ARHGAP22: variants seen among roughly 807,000 people sequenced by gnomAD.
ARHGAP22 encodes Rho GTPase activating protein 22.
ARHGAP22 carries 48 observed loss-of-function variants against 59.1 expected under a neutral mutation model. The ratio of observed to expected loss-of-function variants is 0.81; its 90% CI spans 0.64 to 1.03. The LOEUF (loss-of-function observed/expected upper bound fraction) is 1.03. Ranked by LOEUF, ARHGAP22 falls within the 50% of genes least tolerant of loss-of-function variation. The pLI is 0.00. For synonymous variants in ARHGAP22, 445 were observed against 416.4 expected, an observed-to-expected ratio of 1.07 and a Z score of -0.84; for missense variants, 1,015 against 958.7, an observed-to-expected ratio of 1.06 and a Z score of -0.78.
rs759007664 is a variant in ARHGAP22, at chr10:48,493,437, AC to A, written c.323-13674del. On this transcript the variant is annotated intron_variant, in intron 3 of 9. Transcript: ENST00000249601. ...TGCCAGTGACTCCAGCTATCCACTT[AC>A]CCCTGGGCATACGCCTGCTCCTCTT... 5.9e-6 allele frequency: 9 copies of A among 1,535,190 alleles called. No homozygotes were observed. In the South Asian group the frequency reaches 9.5e-5, roughly 16 times the overall value.
intron 2 of ARHGAP22, among the ~76,000 whole-genome samples, chr10:48,572,777 G>A (rs933406326): frequency 5.3e-5 from 8 of 152,066 alleles, no homozygotes; most frequent in Non-Finnish European, 1.0e-4. Context: ...AATGCTTTAC[G>A]AAAAATAAGA....
At chr10:48,596,114 G>A (rs1353248394) in intron 1 of ARHGAP22, among the ~76,000 whole-genome samples, 1 of 152,188 alleles carries the variant, frequency 6.6e-6, no homozygotes, top group African/African-American at 2.4e-5. Context: ...AATGCTTCCT[G>A]GGTCTGCCTC....
At chr10:48,533,184 T>G (rs1838574) in intron 3 of ARHGAP22, among the ~76,000 whole-genome samples, 40,543 of 143,160 alleles carry the variant, frequency 0.28, 5,695 homozygotes, top group African/African-American at 0.39. Context: ...TTCTGTTGTT[T>G]TTTTTTTTTT....
intron 2 of ARHGAP22, among the ~76,000 whole-genome samples, chr10:48,574,385 A>G (rs2058582597): frequency 6.6e-6 from 1 of 152,232 alleles, no homozygotes; most frequent in African/African-American, 2.4e-5. Context: ...AGAATGGAGA[A>G]CAGAAATTAA....
intron 1 of ARHGAP22, among the ~76,000 whole-genome samples, chr10:48,612,024 T>C (rs1223343124): frequency 6.6e-6 from 1 of 151,712 alleles, no homozygotes; most frequent in Non-Finnish European, 1.5e-5. Flanking sequence ...GGTTTCACTA[T>C]GTTGGCCAGG....
intron 3 of ARHGAP22, among the ~76,000 whole-genome samples, chr10:48,500,848 G>A (rs564800863): frequency 1.4e-5 from 2 of 147,792 alleles, no homozygotes; most frequent in East Asian, 2.0e-4. Context: ...CCAAGACGAC[G>A]CCACTGCACT....
chr10:48,642,311 G>A (rs1204639471), intron 1 of ARHGAP22, among the ~76,000 whole-genome samples: 1 of 152,204 alleles, frequency 6.6e-6, no homozygotes, highest in Non-Finnish European at 1.5e-5. Context: ...CAAAGCTGGA[G>A]GCATCACGCT....
At chr10:48,576,735 T>C (rs1168655271) in intron 2 of ARHGAP22, among the ~76,000 whole-genome samples, 1 of 151,232 alleles carries the variant, frequency 6.6e-6, no homozygotes, top group Admixed American at 6.6e-5. Flanking sequence ...CCACGTTCTA[T>C]GGTCTCAGAT....
chr10:48,510,235 A>G (rs1307258114), intron 3 of ARHGAP22, among the ~76,000 whole-genome samples: 1 of 152,182 alleles, frequency 6.6e-6, no homozygotes, highest in East Asian at 1.9e-4. Flanking sequence ...TCCCCCCATA[A>G]AACAGTTCTG....
intron 4 of ARHGAP22, among the ~76,000 whole-genome samples, chr10:48,462,127 G>A (rs567940310): frequency 6.6e-6 from 1 of 152,280 alleles, no homozygotes; most frequent in Admixed American, 6.5e-5. Flanking sequence ...ACGCACATGT[G>A]TGCATGTAGT....
intron 2 of ARHGAP22, among the ~76,000 whole-genome samples, chr10:48,570,909 A>C (rs2058355848): frequency 6.6e-6 from 1 of 152,228 alleles, no homozygotes; most frequent in Admixed American, 6.5e-5. Context: ...GGGTGCCCAC[A>C]GTGGGACTTC....
At position 48,446,370 on chromosome 10, in the gene ARHGAP22, A is replaced by G. The variant is rs1323359760; in HGVS notation, c.*21T>C. ...CTGGAGACCAGCAGACGTGGTACAG[A>G]AGTGAGCTCTGCCATTCCTTTTACT... is the stretch of plus-strand genomic sequence containing the variant. On this transcript the variant is annotated 3_prime_UTR_variant, in exon 10 of 10. Coordinates refer to ENST00000249601, the MANE Select transcript of ARHGAP22 (RefSeq NM_021226.4). 4 of 1,612,562 alleles carry G rather than the reference A, an allele frequency of 2.5e-6. No homozygotes were observed. Among genetic ancestry groups the G allele is most frequent in the Admixed American group, 1.7e-5 (1 of 59,974 alleles).
chr10:48,597,082 C>T lies in ARHGAP22; in HGVS notation c.34+7681G>A, dbSNP rs140113383. Among the ~76,000 whole-genome samples, 479 of 152,304 alleles carry T rather than the reference C, an allele frequency of 3.1e-3. 8 individuals carry two copies. The highest frequency in any genetic ancestry group is 0.027 in the Middle Eastern group (8 of 294). On this transcript the variant is annotated intron_variant, in intron 1 of 9. Transcript: ENST00000249601. The stretch of plus-strand genomic sequence containing the variant: ...GAAGACCCCTCTGGTAGGCTCTCAA[C>T]GCAGAATGATTGACTTCCATCCCTT...
intron 8 of ARHGAP22, among the ~76,000 whole-genome samples, chr10:48,452,663 C>T (rs1353629638): frequency 6.6e-6 from 1 of 152,228 alleles, no homozygotes; most frequent in Non-Finnish European, 1.5e-5. Flanking sequence ...GCTGTCTTTT[C>T]TATGGCAGCC....
chr10:48,528,718 C>T lies in ARHGAP22; in HGVS notation c.322+26745G>A, dbSNP rs150623585. Among the ~76,000 whole-genome samples, 570 of 152,162 alleles carry T rather than the reference C, an allele frequency of 3.7e-3. 7 individuals carry two copies. The highest frequency in any genetic ancestry group is 0.013 in the African/African-American group (542 of 41,498). ...CATGGGGCTGATTCTTTATGAATGG[C>T]CTGGTGCCATCCCTGTGGCAATAAG... is the stretch of plus-strand genomic sequence containing the variant. On this transcript the variant is annotated intron_variant, in intron 3 of 9. Transcript: ENST00000249601.
intron 2 of ARHGAP22, among the ~76,000 whole-genome samples, chr10:48,576,073 T>C (rs986393403): frequency 6.6e-6 from 1 of 152,206 alleles, no homozygotes; most frequent in Non-Finnish European, 1.5e-5. Context: ...GAAGCCCCTT[T>C]ACAGGAGTCC....
chr10:48,457,163 C>G (rs565371725), intron 5 of ARHGAP22, among the ~76,000 whole-genome samples: 3 of 152,216 alleles, frequency 2.0e-5, no homozygotes, highest in South Asian at 4.1e-4. Context: ...CTCTCTGTAC[C>G]CAGGGAACCC....
chr10:48,628,259 A>G (rs1247363374), intron 1 of ARHGAP22, among the ~76,000 whole-genome samples: 1 of 152,218 alleles, frequency 6.6e-6, no homozygotes, highest in African/African-American at 2.4e-5. Flanking sequence ...CAGATGTTAC[A>G]GTCCTTGTTT....
chr10:48,469,388 C>T (rs1413592922), intron 4 of ARHGAP22, among the ~76,000 whole-genome samples: 1 of 152,230 alleles, frequency 6.6e-6, no homozygotes, highest in Non-Finnish European at 1.5e-5. Flanking sequence ...GGGGAGCTGA[C>T]AACCTGAGTC....
Sources: gnomAD v4.1 joint callset for allele counts (sites outside exome capture counted in the v4.1 genomes callset) on GRCh38, gnomAD v4.1.1 for gene constraint, MANE v1.5 for transcripts, NCBI Gene and HGNC (gene_info 2026-07-23, HGNC 2026-07-21) for gene names.